KIF26B: variants seen among roughly 807,000 people sequenced by gnomAD.
KIF26B encodes the protein kinesin-like protein KIF26B.
KIF26B carries 63 observed loss-of-function variants against 151.2 expected under a neutral mutation model. The observed-to-expected ratio is 0.42, with a 90% CI of 0.34 to 0.51. The LOEUF (loss-of-function observed/expected upper bound fraction) is 0.51, where lower values mean the gene tolerates loss of function less well. KIF26B is among the 20% of genes least tolerant of loss of function. The pLI, the probability that KIF26B is intolerant of heterozygous loss-of-function variation, is 0.07. For missense variants in KIF26B, 2,813 were observed against 2,913.6 expected (o/e 0.97, Z 0.79); for synonymous variants, 1,357 against 1,262.1 (o/e 1.08, Z -1.59).
At chr1:245,668,778 T>C (rs6691081) in intron 10 of KIF26B, among the ~76,000 whole-genome samples, 9,840 of 152,012 alleles carry the variant, frequency 0.065, 952 homozygotes, top group African/African-American at 0.21. Context: ...CAACCTCTGC[T>C]TCCTGGGTTC....
intron 2 of KIF26B, among the ~76,000 whole-genome samples, chr1:245,259,419 G>T (rs1282213302): frequency 3.3e-5 from 5 of 152,130 alleles, no homozygotes; most frequent in African/African-American, 1.2e-4. Context: ...GCAGGGTTGT[G>T]AGGGCCAGTT....
intron 3 of KIF26B, among the ~76,000 whole-genome samples, chr1:245,377,447 C>T (rs1673304652): frequency 6.6e-6 from 1 of 152,212 alleles, no homozygotes; most frequent in South Asian, 2.1e-4. Context: ...GGTTTAGAGT[C>T]TACCCCAATC....
intron 5 of KIF26B, among the ~76,000 whole-genome samples, chr1:245,565,389 A>G (rs2043000149): frequency 6.6e-6 from 1 of 151,992 alleles, no homozygotes; most frequent in African/African-American, 2.4e-5. Flanking sequence ...CCCGGGTTCA[A>G]GCAATTCTCC....
intron 2 of KIF26B, among the ~76,000 whole-genome samples, chr1:245,193,958 A>C (rs1481157166): frequency 6.6e-6 from 1 of 152,228 alleles, no homozygotes; most frequent in Non-Finnish European, 1.5e-5. Flanking sequence ...AGAAAATGAC[A>C]TGGACGCCAG....
chr1:245,630,491 C>A (rs575233881), intron 9 of KIF26B, among the ~76,000 whole-genome samples: 3 of 152,148 alleles, frequency 2.0e-5, no homozygotes, highest in South Asian at 4.1e-4. Flanking sequence ...AACAGAAAAC[C>A]AAACACCACA....
rs540476045 is a variant in KIF26B at position 245,563,916 on chromosome 1, T to G, written c.1350+22966T>G. Among the ~76,000 whole-genome samples the G allele has an allele frequency of 6.6e-6, 1 of 152,232 alleles. No individual in the cohort carries two copies. The highest frequency in any genetic ancestry group is 1.9e-4 in the East Asian group (1 of 5,178). On this transcript the variant is annotated intron_variant, in intron 5 of 14. Transcript: ENST00000407071. This position sits in a 1 kb window ranked among gnomAD's most constrained non-coding sequence, Gnocchi z 4.6. ...GCCGACCCTGCACTACAGGTTCCTT[T>G]TTCTCTCCCTGTCCGTGCATCCATC... is the stretch of plus-strand genomic sequence containing the variant.
chr1:245,645,020 G>T (rs1457240145), intron 9 of KIF26B, among the ~76,000 whole-genome samples: 3 of 152,118 alleles, frequency 2.0e-5, no homozygotes, highest in Non-Finnish European at 4.4e-5. Context: ...GAGAGAGAAG[G>T]GGGAAGGTGC....
rs557541830 is a variant in KIF26B, at chr1:245,202,903, T to G, written c.465+46220T>G. Reference sequence around the variant, plus strand: ...TTGCAGTGAGCCGAGATCCCACTACTGCACTCCAGCCTGGGTGACTAGAGC... The same window carrying G: ...TTGCAGTGAGCCGAGATCCCACTACGGCACTCCAGCCTGGGTGACTAGAGC... On this transcript the variant is annotated intron_variant, in intron 2 of 14. Coordinates refer to ENST00000407071, the MANE Select transcript of KIF26B (RefSeq NM_018012.4). Among the ~76,000 whole-genome samples, 5 of 151,524 alleles carry G rather than the reference T, an allele frequency of 3.3e-5. 1 individual carries two copies. In the South Asian group the frequency reaches 6.3e-4, roughly 19 times the overall value.
At chr1:245,188,191 A>G (rs1669033301) in intron 2 of KIF26B, among the ~76,000 whole-genome samples, 1 of 149,150 alleles carries the variant, frequency 6.7e-6, no homozygotes, top group African/African-American at 2.5e-5. Context: ...AAGGCAGGAG[A>G]ATCACTTGAT....
chr1:245,696,419 C>T (rs2044694113), intron 12 of KIF26B, among the ~76,000 whole-genome samples: 1 of 152,190 alleles, frequency 6.6e-6, no homozygotes, highest in African/African-American at 2.4e-5. Flanking sequence ...TGACAGCTTG[C>T]CTGCGACTCC....
At chr1:245,546,590 G>A (rs1489811098) in intron 5 of KIF26B, among the ~76,000 whole-genome samples, 1 of 152,180 alleles carries the variant, frequency 6.6e-6, no homozygotes, top group Non-Finnish European at 1.5e-5. Flanking sequence ...TTTACTTCAA[G>A]TATTCATAAA....
In KIF26B at chr1:245,261,090, GCTTC is replaced by G. The variant is rs779978341; in HGVS notation, c.465+104426_465+104429del. Among the ~76,000 whole-genome samples, 658 of 129,838 alleles carry G rather than the reference GCTTC, an allele frequency of 5.1e-3. 6 individuals carry two copies. The highest frequency in any genetic ancestry group is 0.017 in the African/African-American group (584 of 34,232). The allele number at this position is 129,838 out of a possible 152,430, so 85.2% of individuals were successfully genotyped here. On this transcript the variant is annotated intron_variant, in intron 2 of 14. Coordinates refer to ENST00000407071, the MANE Select transcript of KIF26B (RefSeq NM_018012.4). ...TCCTTCCTTCCCTCCCTCTCTCCCT[GCTTC>G]CTTCCTTCCTTCCTTCCTCCGTTCC... is the stretch of plus-strand genomic sequence containing the variant.
At chr1:245,267,815 T>C (rs949532699) in intron 2 of KIF26B, among the ~76,000 whole-genome samples, 1 of 152,148 alleles carries the variant, frequency 6.6e-6, no homozygotes, top group East Asian at 1.9e-4. Context: ...CTTAAACGTT[T>C]TGGGGTGACA....
intron 5 of KIF26B, among the ~76,000 whole-genome samples, chr1:245,567,777 C>G (rs1455184912): frequency 6.6e-6 from 1 of 152,126 alleles, no homozygotes; most frequent in Non-Finnish European, 1.5e-5. Flanking sequence ...CTTTTCAGTA[C>G]TAACAGTGCA....
At chr1:245,446,336 A>G (rs997899012) in intron 4 of KIF26B, among the ~76,000 whole-genome samples, 3 of 152,202 alleles carry the variant, frequency 2.0e-5, no homozygotes, top group Non-Finnish European at 4.4e-5. Flanking sequence ...TCTGTGACGC[A>G]TGGCCATATT....
intron 2 of KIF26B, among the ~76,000 whole-genome samples, chr1:245,338,617 A>C (rs1351031064): frequency 6.6e-6 from 1 of 152,244 alleles, no homozygotes; most frequent in East Asian, 1.9e-4. Context: ...ACTAAGTGTG[A>C]GCACCACATT....
chr1:245,397,228 T>C (rs1673869598), intron 3 of KIF26B, among the ~76,000 whole-genome samples: 1 of 152,046 alleles, frequency 6.6e-6, no homozygotes, highest in Non-Finnish European at 1.5e-5. Flanking sequence ...TTTTTTTCTT[T>C]TTTTGAGACA....
chr1:245,562,007 G>C (rs79726121), intron 5 of KIF26B, among the ~76,000 whole-genome samples: 3 of 152,216 alleles, frequency 2.0e-5, no homozygotes, highest in African/African-American at 7.2e-5. Context: ...TCCCAGGGCC[G>C]TTGCGGATTG....
intron 10 of KIF26B, among the ~76,000 whole-genome samples, chr1:245,652,831 C>T (rs546798232): frequency 2.4e-4 from 36 of 152,242 alleles, no homozygotes; most frequent in African/African-American, 7.7e-4. Context: ...CATCTCTTGG[C>T]GGCAAAGCCA....
Sources: gnomAD v4.1 joint callset for allele counts (sites outside exome capture counted in the v4.1 genomes callset) on GRCh38, gnomAD v4.1.1 for gene constraint, Gnocchi (gnomAD v3.1) non-coding constraint, MANE v1.5 for transcripts, NCBI Gene and HGNC (gene_info 2026-07-23, HGNC 2026-07-21) for gene names.